The following FBXW12 variants were observed in gnomAD, a reference collection of about 807,000 sequenced individuals.
FBXW12 encodes the protein F-box/WD repeat-containing protein 12.
Under a neutral mutation model 55.3 loss-of-function variants are expected in FBXW12, and 43 were observed. The ratio of observed to expected loss-of-function variants is 0.78; its 90% CI spans 0.61 to 1.00. The LOEUF (loss-of-function observed/expected upper bound fraction) is 1.00, where lower values mean the gene tolerates loss of function less well. FBXW12 is among the 50% of genes least tolerant of loss of function. The probability of loss-of-function intolerance (pLI) is 0.00; values close to 1 mark genes in which losing one functional copy is unlikely to be tolerated. For synonymous variants in FBXW12, 184 were observed against 203.8 expected (o/e 0.90, Z 0.83); for missense variants, 524 against 560.5 (o/e 0.93, Z 0.66).
intron 2 of FBXW12, 85 bp from the exon 3 acceptor site, chr3:48,373,223 C>T (rs2036629029): frequency 6.2e-7 from 1 of 1,602,508 alleles, no homozygotes; most frequent in African/African-American, 1.3e-5. Context: ...GCGGGCCCAG[C>T]TCCCAGAACA....
At chr3:48,375,558 T>C in intron 5 of FBXW12, 86 bp downstream of exon 5, 2 of 760,864 alleles carry the variant, frequency 2.6e-6, no homozygotes, top group South Asian at 1.9e-5. Context: ...GAGAGGAAAA[T>C]ATTCGGAAGT....
chr3:48,374,017 ACT>A (rs1397492101), intron 4 of FBXW12, among the ~76,000 whole-genome samples: 2 of 151,944 alleles, frequency 1.3e-5, no homozygotes, highest in African/African-American at 4.8e-5. Flanking sequence ...TTAATGGGAA[ACT>A]CTAAAAAACA....
intron 5 of FBXW12, among the ~76,000 whole-genome samples, chr3:48,376,823 C>T (rs1176773357): frequency 6.6e-6 from 1 of 152,214 alleles, no homozygotes; most frequent in African/African-American, 2.4e-5. Flanking sequence ...TCCTAATTGA[C>T]AAATTGCCAG....
chr3:48,392,072 A>G (rs1002912177), intron 10 of FBXW12, among the ~76,000 whole-genome samples: 6 of 152,108 alleles, frequency 3.9e-5, no homozygotes, highest in Non-Finnish European at 7.4e-5. Flanking sequence ...TGGGCCTTCT[A>G]TCCCATTCCA....
intron 10 of FBXW12, 64 bp downstream of exon 10, chr3:48,382,149 C>CGT: frequency 1.3e-6 from 2 of 1,567,960 alleles, no homozygotes; most frequent in Non-Finnish European, 1.7e-6. Context: ...ACGGAGTCTC[C>CGT]CTATGTCACC....
At position 48,394,611 on chromosome 3, in the gene FBXW12, G is replaced by T; in HGVS notation, c.1347G>T (p.Arg449Ser). ...CDNASIVLRV[R>S]KVSDSSILVM... ...ATGCAAGCATAGTACTTAGGGTGAG[G>T]AAAGTAAGTGACTCCAGCATTCTGG... Residue 449 changes from arginine (R) to serine (S), a missense_variant, in exon 11 of 11, where the codon AGG (arginine) becomes AGT (serine). Coordinates refer to ENST00000296438, the MANE Select transcript of FBXW12 (RefSeq NM_207102.2). 6.2e-7 allele frequency: 1 copy of T among 1,607,804 alleles called. No individual in the cohort carries two copies. The highest frequency in any genetic ancestry group is 8.5e-7 in the Non-Finnish European group (1 of 1,176,940).
Position 48,379,250 on chromosome 3 carries a change from G to A in FBXW12, c.616-150G>A, listed in dbSNP as rs1378804073. ...TTTATTCCATGGGATTATCCCAACA[G>A]TGTCTCAAGCTAGACTGGTCAGAGG... On this transcript the variant is annotated intron_variant, in intron 6 of 10. Transcript: ENST00000296438. 3 of 733,186 alleles carry A rather than the reference G, an allele frequency of 4.1e-6. No homozygotes were observed. The Admixed American group carries it at 6.8e-5, about 17-fold the overall frequency. 45.4% of individuals were successfully genotyped at this position (733,186 alleles called of 1,614,324 possible).
chr3:48,393,358 G>A (rs1347465636), intron 10 of FBXW12, among the ~76,000 whole-genome samples: 1 of 152,174 alleles, frequency 6.6e-6, no homozygotes, highest in African/African-American at 2.4e-5. Context: ...CTCCATCTCA[G>A]TGTCTTCAGG....
intron 4 of FBXW12, among the ~76,000 whole-genome samples, chr3:48,374,786 TAAA>T (rs375032054): frequency 1.7e-5 from 2 of 120,148 alleles, no homozygotes; most frequent in African/African-American, 3.2e-5. Flanking sequence ...TTTTTTTTTT[TAAA>T]AACAGAGTCT....
chr3:48,372,914 T>A, intron 2 of FBXW12, 57 bp downstream of exon 2: 1 of 1,501,122 alleles, frequency 6.7e-7, no homozygotes, highest in Non-Finnish European at 9.3e-7. Context: ...TCGACCAGTT[T>A]GAGCACCACT....
chr3:48,379,826 T>C (rs2036740624), intron 7 of FBXW12: 2 of 394,462 alleles, frequency 5.1e-6, no homozygotes, highest in African/African-American at 2.0e-5. Context: ...TATCAAGAAA[T>C]AGGGATTGCT....
At chr3:48,388,822 C>G (rs1000089258) in intron 10 of FBXW12, among the ~76,000 whole-genome samples, 3 of 152,114 alleles carry the variant, frequency 2.0e-5, no homozygotes, top group African/African-American at 7.2e-5. Context: ...TCAAATCGGG[C>G]TAATTAACTT....
chr3:48,373,370 G>A (rs747431087), intron 3 of FBXW12, 25 bp downstream of exon 3: 3 of 1,614,036 alleles, frequency 1.9e-6, no homozygotes, highest in South Asian at 2.2e-5. Flanking sequence ...AGGGCAAGGA[G>A]GGAAGGGGAG....
intron 10 of FBXW12, 42 bp downstream of exon 10, chr3:48,382,127 T>C (rs1304260709): frequency 3.1e-6 from 5 of 1,608,058 alleles, no homozygotes; most frequent in Non-Finnish European, 4.2e-6. Context: ...TAAACAACTT[T>C]TTTTTTTTGA....
At chr3:48,376,055 C>T (rs1251823940) in intron 5 of FBXW12, among the ~76,000 whole-genome samples, 3 of 137,372 alleles carry the variant, frequency 2.2e-5, no homozygotes, top group South Asian at 2.5e-4. Context: ...GATCTCAGCT[C>T]ACTGCAACCT....
chr3:48,372,834 C>G lies in FBXW12; in HGVS notation c.67C>G (p.Leu23Val), dbSNP rs1177747386. 5 of 1,614,070 alleles carry G rather than the reference C, an allele frequency of 3.1e-6. No homozygotes were observed. The East Asian group carries it at 1.1e-4, about 36-fold the overall frequency. ...CTCTTTCCTGGACCTGTTCGGCTTG[C>G]TGCAGGTTTCCCAGGTGAACAAGGT... Reference protein sequence around the residue: ...IFSFLDLFGLLQVSQVNKHWN... With the variant: ...IFSFLDLFGLVQVSQVNKHWN... The change falls in exon 2 of 11, where the codon CTG becomes GTG. Residue 23 changes from leucine (L) to valine (V), a missense_variant. By Grantham distance (32) the Leu-to-Val change is conservative. Transcript: ENST00000296438.
At chr3:48,380,443 G>A (rs1052320728) in intron 7 of FBXW12, among the ~76,000 whole-genome samples, 2 of 152,150 alleles carry the variant, frequency 1.3e-5, no homozygotes, top group Non-Finnish European at 2.9e-5. Context: ...TTGACCAAGG[G>A]TTCAACATGG....
At chr3:48,378,613 C>CCT in intron 6 of FBXW12, 87 bp downstream of exon 6, 5 of 587,064 alleles carry the variant, frequency 8.5e-6, no homozygotes, top group Non-Finnish European at 1.3e-5. Context: ...TGTCCTATCC[C>CCT]TTTTTTTTTT....
Position 48,377,106 on chromosome 3 carries a change from T to C in FBXW12, c.406-1211T>C, listed in dbSNP as rs561105502. ...CAATGGTATGAGACATTTGAGAGCATTGGGAGATGGTGGATATATTTTCAT... is the reference window on the plus strand; with the variant it reads ...CAATGGTATGAGACATTTGAGAGCACTGGGAGATGGTGGATATATTTTCAT... On this transcript the variant is annotated intron_variant, in intron 5 of 10. Coordinates refer to ENST00000296438, the MANE Select transcript of FBXW12 (RefSeq NM_207102.2). 7.9e-5 allele frequency among the ~76,000 whole-genome samples: 12 copies of C among 152,250 alleles called. No individual in the cohort carries two copies. The East Asian group carries it at 2.1e-3, about 27-fold the overall frequency.
Sources: allele counts gnomAD v4.1 joint callset (sites outside exome capture counted in the v4.1 genomes callset), GRCh38; gene constraint gnomAD v4.1.1; transcripts MANE v1.5; gene names NCBI Gene and HGNC (gene_info 2026-07-23, HGNC 2026-07-21).